SEMA5A: variants seen among roughly 807,000 people sequenced by gnomAD.
SEMA5A encodes semaphorin 5A.
SEMA5A carries 55 observed loss-of-function variants against 135.5 expected under a neutral mutation model. The ratio of observed to expected loss-of-function variants is 0.41; its 90% CI spans 0.33 to 0.51. The LOEUF is 0.51. Among genes scored for constraint, SEMA5A ranks in the 20% least tolerant of loss-of-function variants. The pLI, the probability that SEMA5A is intolerant of heterozygous loss-of-function variation, is 0.37. For missense variants in SEMA5A, 1,290 were observed against 1,419.9 expected (o/e 0.91, Z 1.47); for synonymous variants, 580 against 546.5 (o/e 1.06, Z -0.85).
intron 1 of SEMA5A, among the ~76,000 whole-genome samples, chr5:9,463,020 G>A (rs1328659975): frequency 6.6e-6 from 1 of 150,880 alleles, no homozygotes; most frequent in African/African-American, 2.4e-5. Flanking sequence ...AGAACTCCCT[G>A]GGACATGAAC....
chr5:9,345,171 C>T (rs1399797450), intron 3 of SEMA5A, among the ~76,000 whole-genome samples: 2 of 152,176 alleles, frequency 1.3e-5, no homozygotes, highest in Admixed American at 6.5e-5. Flanking sequence ...TAGTGGATTT[C>T]AATTGGTTAC....
At chr5:9,145,077 CT>C (rs2150237950) in intron 12 of SEMA5A, among the ~76,000 whole-genome samples, 1 of 151,208 alleles carries the variant, frequency 6.6e-6, no homozygotes, top group East Asian at 1.9e-4. Context: ...TTTATTTTGA[CT>C]TACATCTAGG....
Position 9,051,925 on chromosome 5 carries a change from G to A in SEMA5A, c.2793C>T (p.Ser931=), listed in dbSNP as rs372731799. 2.5e-5 allele frequency: 40 copies of A among 1,614,004 alleles called. No individual in the cohort carries two copies. The Middle Eastern group carries it at 4.9e-4, about 20-fold the overall frequency. Residue 931 remains serine (S), a synonymous_variant, in exon 20 of 23, where the codon TCC becomes TCT. Coordinates refer to ENST00000382496, the MANE Select transcript of SEMA5A (RefSeq NM_003966.3). ...ACGGCCGGCTCTCCGTGGTGTTCCCGGAGCACTGGCTGCCCATGGGGAACA... is the reference window on the plus strand; with the variant it reads ...ACGGCCGGCTCTCCGTGGTGTTCCCAGAGCACTGGCTGCCCATGGGGAACA... The part of the protein sequence containing the change: ...ILLFPMGSQC[S]GNTTESRPCV...
intron 2 of SEMA5A, among the ~76,000 whole-genome samples, chr5:9,431,661 C>A (rs190729897): frequency 3.7e-4 from 56 of 152,252 alleles, no homozygotes; most frequent in African/African-American, 1.2e-3. Flanking sequence ...CCCATGAAAT[C>A]CAAAGATCCA....
chr5:9,118,816 G>T (rs1488843119), intron 15 of SEMA5A, among the ~76,000 whole-genome samples, 182 bp downstream of exon 15: 1 of 152,184 alleles, frequency 6.6e-6, no homozygotes, highest in African/African-American at 2.4e-5. Flanking sequence ...CAGTGATGCT[G>T]TCGACGAGGC....
intron 20 of SEMA5A, among the ~76,000 whole-genome samples, chr5:9,050,759 C>T (rs565650728): frequency 1.1e-4 from 16 of 152,300 alleles, no homozygotes; most frequent in East Asian, 1.9e-4. Context: ...GGTGTCTTGC[C>T]GGGGGGATCC....
At chr5:9,158,564 C>T (rs571244372) in intron 11 of SEMA5A, among the ~76,000 whole-genome samples, 3 of 151,192 alleles carry the variant, frequency 2.0e-5, no homozygotes, top group South Asian at 2.1e-4. Flanking sequence ...CAAGGAGAGA[C>T]GACAATGTGA....
chr5:9,182,583 C>T (rs537456032), intron 11 of SEMA5A, among the ~76,000 whole-genome samples: 1 of 152,158 alleles, frequency 6.6e-6, no homozygotes, highest in East Asian at 1.9e-4. Flanking sequence ...ATGTTTGCTT[C>T]ATTGAGGGTG....
intron 2 of SEMA5A, among the ~76,000 whole-genome samples, chr5:9,413,232 G>A (rs1757165493): frequency 6.6e-6 from 1 of 152,128 alleles, no homozygotes; most frequent in African/African-American, 2.4e-5. Flanking sequence ...CATGGGAATG[G>A]TTTACAGGAG....
intron 8 of SEMA5A, among the ~76,000 whole-genome samples, chr5:9,211,287 T>C (rs897051161): frequency 1.3e-5 from 2 of 152,050 alleles, no homozygotes; most frequent in Admixed American, 6.6e-5. Context: ...AAAAATAGGC[T>C]GCTGACTATG....
At chr5:9,266,057 T>A (rs554921441) in intron 5 of SEMA5A, among the ~76,000 whole-genome samples, 5 of 152,344 alleles carry the variant, frequency 3.3e-5, no homozygotes, top group African/African-American at 1.2e-4. Flanking sequence ...CCAATCTGTT[T>A]GTGAACAAAA....
chr5:9,038,499 G>A lies in SEMA5A; in HGVS notation c.*4398C>T, dbSNP rs1435500418. The A allele has an allele frequency of 6.6e-6, 1 of 152,156 alleles. No homozygotes were observed. Among genetic ancestry groups the A allele is most frequent in the East Asian group, 1.9e-4 (1 of 5,194 alleles). 9.4% of individuals were successfully genotyped at this position (152,156 alleles called of 1,614,324 possible). ...ACAAAGTTGAAGAAGTATCTTGACA[G>A]TATTGGGGAAATATTTATGATTTAT... On this transcript the variant is annotated 3_prime_UTR_variant, in exon 23 of 23. Transcript: ENST00000382496.
chr5:9,290,823 G>T (rs1483286938), intron 5 of SEMA5A, among the ~76,000 whole-genome samples: 1 of 151,962 alleles, frequency 6.6e-6, no homozygotes, highest in African/African-American at 2.4e-5. Context: ...GAAAATAATG[G>T]TTCTTTCCCA....
intron 1 of SEMA5A, among the ~76,000 whole-genome samples, chr5:9,493,045 G>A (rs1448762737): frequency 6.6e-6 from 1 of 152,060 alleles, no homozygotes; most frequent in African/African-American, 2.4e-5. Flanking sequence ...AATGTAGGTT[G>A]ATCGATTGCA....
intron 15 of SEMA5A, among the ~76,000 whole-genome samples, chr5:9,112,031 A>T (rs1740271819): frequency 6.6e-6 from 1 of 152,214 alleles, no homozygotes; most frequent in South Asian, 2.1e-4. Context: ...CACACTGCAG[A>T]CTTTTAGCAA....
chr5:9,416,283 G>A (rs1757280764), intron 2 of SEMA5A, among the ~76,000 whole-genome samples: 1 of 152,198 alleles, frequency 6.6e-6, no homozygotes. Context: ...GAGAATTGGA[G>A]AGGTGGGAGG....
chr5:9,215,063 G>C (rs1040515819), intron 8 of SEMA5A, among the ~76,000 whole-genome samples: 5 of 152,146 alleles, frequency 3.3e-5, no homozygotes, highest in South Asian at 2.1e-4. Context: ...ACTGTAGAGA[G>C]AGGAAGGAAG....
intron 2 of SEMA5A, among the ~76,000 whole-genome samples, chr5:9,417,624 C>A (rs1366001436): frequency 1.3e-5 from 2 of 152,316 alleles, no homozygotes; most frequent in African/African-American, 4.8e-5. Context: ...TAATCACATT[C>A]TTTGCTCTTG....
chr5:9,134,435 A>G (rs1415390009), intron 13 of SEMA5A, among the ~76,000 whole-genome samples: 4 of 152,214 alleles, frequency 2.6e-5, no homozygotes, highest in Non-Finnish European at 5.9e-5. Flanking sequence ...GGCATGAGCC[A>G]CTGTGCCCAG....
Sources: allele counts gnomAD v4.1 joint callset (sites outside exome capture counted in the v4.1 genomes callset), GRCh38; gene constraint gnomAD v4.1.1; transcripts MANE v1.5; gene names NCBI Gene and HGNC (gene_info 2026-07-23, HGNC 2026-07-21).